Variants in PKNOX2 observed in about 807,000 individuals in gnomAD.
The protein encoded by PKNOX2 is PBX/knotted 1 homeobox 2.
PKNOX2 carries 14 observed loss-of-function variants against 53.1 expected under a neutral mutation model. The ratio of observed to expected loss-of-function variants is 0.26; its 90% CI spans 0.17 to 0.41. The LOEUF (loss-of-function observed/expected upper bound fraction) is 0.41, where lower values mean the gene tolerates loss of function less well. Ranked by LOEUF, PKNOX2 falls within the 10% of genes least tolerant of loss-of-function variation. PKNOX2 has a pLI of 1.00. For synonymous variants in PKNOX2, 257 were observed against 242.8 expected, an observed-to-expected ratio of 1.06 and a Z score of -0.54; for missense variants, 496 against 602.8, an observed-to-expected ratio of 0.82 and a Z score of 1.85.
intron 1 of PKNOX2, among the ~76,000 whole-genome samples, chr11:125,167,551 C>G (rs1954982584): frequency 6.6e-6 from 1 of 152,174 alleles, no homozygotes; most frequent in African/African-American, 2.4e-5. Flanking sequence ...AGAGGCTGCT[C>G]AGAATAAGGG....
intron 9 of PKNOX2, chr11:125,411,340 G>A (rs11220051): frequency 0.076 from 26,771 of 350,268 alleles, 1,208 homozygotes; most frequent in Middle Eastern, 0.1. Context: ...GAACCACAGC[G>A]ATGGATAGGA....
intron 2 of PKNOX2, among the ~76,000 whole-genome samples, chr11:125,271,035 C>A (rs1170157387): frequency 6.6e-6 from 1 of 152,140 alleles, no homozygotes; most frequent in Non-Finnish European, 1.5e-5. Context: ...GCAGGACTAA[C>A]CCCTGTGACT....
chr11:125,375,810 G>C (rs1358164157), intron 5 of PKNOX2, among the ~76,000 whole-genome samples: 1 of 152,166 alleles, frequency 6.6e-6, no homozygotes, highest in Non-Finnish European at 1.5e-5. Context: ...TTCACTAGCT[G>C]CCTAATTTCA....
intron 1 of PKNOX2, among the ~76,000 whole-genome samples, chr11:125,179,194 T>A (rs1956008292): frequency 6.6e-6 from 1 of 152,174 alleles, no homozygotes; most frequent in Admixed American, 6.5e-5. Flanking sequence ...TGCCCAGCAT[T>A]ATCTTGGTGC....
chr11:125,266,448 C>T (rs932332268), intron 2 of PKNOX2, among the ~76,000 whole-genome samples: 22 of 152,066 alleles, frequency 1.4e-4, no homozygotes, highest in Admixed American at 1.1e-3. Context: ...AAAATGCCTG[C>T]GAGACAGAGG....
intron 2 of PKNOX2, among the ~76,000 whole-genome samples, chr11:125,319,864 G>A (rs757171851): frequency 2.6e-5 from 4 of 152,160 alleles, no homozygotes; most frequent in Non-Finnish European, 5.9e-5. Flanking sequence ...GGGCACAAAG[G>A]CCTGGGTGGA....
At chr11:125,310,682 A>G (rs1317235915) in intron 2 of PKNOX2, among the ~76,000 whole-genome samples, 1 of 152,138 alleles carries the variant, frequency 6.6e-6, no homozygotes, top group African/African-American at 2.4e-5. Context: ...CAGTTCACAA[A>G]CAGCTAACAG....
intron 1 of PKNOX2, among the ~76,000 whole-genome samples, chr11:125,217,114 C>A (rs1940619939): frequency 6.6e-6 from 1 of 151,832 alleles, no homozygotes; most frequent in African/African-American, 2.4e-5. Flanking sequence ...TGAACACCCA[C>A]CCATGGAGTC....
chr11:125,422,664 G>C lies in PKNOX2; in HGVS notation c.937-6348G>C, dbSNP rs1956228758. ...GGGAAGGTGTGCAAGAGACCCCTGG[G>C]TTGCACTGAGCCCCAGGACACCCCA... On this transcript the variant is annotated intron_variant, in intron 10 of 12. Coordinates refer to ENST00000298282, the MANE Select transcript of PKNOX2 (RefSeq NM_001382323.2). This position sits in a 1 kb window ranked among gnomAD's most constrained non-coding sequence, Gnocchi z 4.1. 6.6e-6 allele frequency among the ~76,000 whole-genome samples: 1 copy of C among 152,168 alleles called. No individual in the cohort carries two copies. Among genetic ancestry groups the C allele is most frequent in the South Asian group, 2.1e-4 (1 of 4,824 alleles).
chr11:125,222,771 G>GTGTGTGTA (rs1022110047), intron 1 of PKNOX2, among the ~76,000 whole-genome samples: 2 of 151,360 alleles, frequency 1.3e-5, no homozygotes, highest in Non-Finnish European at 3.0e-5. Flanking sequence ...GTGTGTATGT[G>GTGTGTGTA]TGTGTGTATG....
chr11:125,402,524 G>A (rs77863584), intron 7 of PKNOX2, among the ~76,000 whole-genome samples: 1,708 of 152,276 alleles, frequency 0.011, 14 homozygotes, highest in Non-Finnish European at 0.015. Flanking sequence ...ATTGCCAAGC[G>A]TTTGGGGGGC....
chr11:125,418,931 T>C (rs189139905), intron 10 of PKNOX2, among the ~76,000 whole-genome samples: 9 of 152,146 alleles, frequency 5.9e-5, no homozygotes, highest in Non-Finnish European at 1.0e-4. Context: ...GGAGGATGTT[T>C]GTAGGTTATA....
chr11:125,187,564 T>C (rs1359821523), intron 1 of PKNOX2, among the ~76,000 whole-genome samples: 1 of 152,250 alleles, frequency 6.6e-6, no homozygotes, highest in African/African-American at 2.4e-5. Context: ...TTCTAGTAAC[T>C]TTCTTGTGGA....
chr11:125,174,553 A>G (rs768467064), intron 1 of PKNOX2, among the ~76,000 whole-genome samples: 5 of 152,182 alleles, frequency 3.3e-5, no homozygotes, highest in Non-Finnish European at 7.3e-5. Context: ...ATCAGGCACC[A>G]TGAGTTTGTA....
chr11:125,427,940 C>T (rs1956508525), intron 10 of PKNOX2, among the ~76,000 whole-genome samples: 1 of 152,190 alleles, frequency 6.6e-6, no homozygotes, highest in Non-Finnish European at 1.5e-5. Context: ...GGTCACGACT[C>T]TCTTCCCACT....
At chr11:125,299,388 G>A (rs190394114) in intron 2 of PKNOX2, among the ~76,000 whole-genome samples, 67 of 151,990 alleles carry the variant, frequency 4.4e-4, no homozygotes, top group Non-Finnish European at 2.5e-4. Flanking sequence ...CTGGTTGCCT[G>A]CTTCCCCTCC....
intron 2 of PKNOX2, among the ~76,000 whole-genome samples, chr11:125,282,496 C>T (rs923944308): frequency 1.3e-5 from 2 of 152,176 alleles, no homozygotes; most frequent in African/African-American, 4.8e-5. Context: ...TGGGCCCTCC[C>T]TCTGGGGTTT....
chr11:125,393,171 AAAAAG>A (rs1954179519), intron 6 of PKNOX2, among the ~76,000 whole-genome samples: 1 of 151,494 alleles, frequency 6.6e-6, no homozygotes, highest in South Asian at 2.1e-4. Context: ...AAAAAAAAAA[AAAAAG>A]AGAGAAGAGA....
intron 4 of PKNOX2, among the ~76,000 whole-genome samples, chr11:125,354,769 G>C (rs1354362195): frequency 2.0e-5 from 3 of 152,108 alleles, no homozygotes; most frequent in Non-Finnish European, 4.4e-5. Context: ...AATGAGGGAG[G>C]CTTTTTTTTC....
Sources: allele counts gnomAD v4.1 joint callset (sites outside exome capture counted in the v4.1 genomes callset), GRCh38; gene constraint gnomAD v4.1.1; non-coding constraint Gnocchi (gnomAD v3.1); transcripts MANE v1.5; gene names NCBI Gene and HGNC (gene_info 2026-07-23, HGNC 2026-07-21).